The following MFSD6 variants were observed in gnomAD, a reference collection of about 807,000 sequenced individuals.
MFSD6 encodes the protein major facilitator superfamily domain-containing protein 6.
Under a neutral mutation model 56.3 loss-of-function variants are expected in MFSD6, and 26 were observed. The observed-to-expected ratio is 0.46, with a 90% confidence interval of 0.34 to 0.64. The LOEUF is 0.64. MFSD6 is among the 30% of genes least tolerant of loss of function. The probability of loss-of-function intolerance (pLI) is 0.01; values close to 1 mark genes in which losing one functional copy is unlikely to be tolerated. For missense variants in MFSD6, 750 were observed against 986.2 expected, an observed-to-expected ratio of 0.76 and a Z score of 3.21; for synonymous variants, 331 against 366.9, an observed-to-expected ratio of 0.90 and a Z score of 1.12.
At chr2:190,444,954 G>T in intron 3 of MFSD6, 1 of 628,010 alleles carries the variant, frequency 1.6e-6, no homozygotes, top group South Asian at 7.2e-5. Flanking sequence ...TAGCATACTG[G>T]GTAACAAATT....
Position 190,499,865 on chromosome 2 carries a change from T to A in MFSD6, c.2173-150T>A. The A allele has an allele frequency of 1.3e-6, 2 of 1,550,638 alleles. No homozygotes were observed. Among genetic ancestry groups the A allele is most frequent in the Non-Finnish European group, 1.7e-6 (2 of 1,146,750 alleles). ...AGGAAAGGAGATGAAAGGTAAGACATTCTATCCTTATTCCTCTATTACTTG... is the reference window on the plus strand; with the variant it reads ...AGGAAAGGAGATGAAAGGTAAGACAATCTATCCTTATTCCTCTATTACTTG... On this transcript the variant is annotated intron_variant, in intron 7 of 7. Coordinates refer to ENST00000392328, the MANE Select transcript of MFSD6 (RefSeq NM_017694.4). This position sits in a 1 kb window ranked among gnomAD's most constrained non-coding sequence, Gnocchi z 6.0.
rs570724280 is a variant in MFSD6, at chr2:190,424,343, A to G, written c.-54+8930A>G. ...AGACTTAGTTTGAGGTTATTTATTTATTTTTTTTTCAGACAGAGTTTCACT... is the reference window on the plus strand; with the variant it reads ...AGACTTAGTTTGAGGTTATTTATTTGTTTTTTTTTCAGACAGAGTTTCACT... On this transcript the variant is annotated intron_variant, in intron 2 of 7. Transcript: ENST00000392328. The surrounding 1 kb of genome is among the most constrained non-coding windows in gnomAD (Gnocchi z 5.9). Among the ~76,000 whole-genome samples the G allele has an allele frequency of 6.9e-6, 1 of 145,196 alleles. No homozygotes were observed. Among genetic ancestry groups the G allele is most frequent in the South Asian group, 2.2e-4 (1 of 4,536 alleles).
chr2:190,444,338 C>T (rs561294726), intron 3 of MFSD6, among the ~76,000 whole-genome samples: 4 of 152,274 alleles, frequency 2.6e-5, no homozygotes, highest in African/African-American at 7.2e-5. Flanking sequence ...CACAGAGGTA[C>T]GAAGATTCCA....
Position 190,469,905 on chromosome 2 carries a change from T to A in MFSD6, c.1630+50T>A. 1.5e-6 allele frequency: 2 copies of A among 1,374,386 alleles called. No homozygotes were observed. The highest frequency in any genetic ancestry group is 2.1e-6 in the Non-Finnish European group (2 of 972,460). 85.1% of individuals were successfully genotyped at this position (1,374,386 alleles called of 1,614,324 possible). A position where few individuals can be genotyped will look rare whatever the true frequency, so the allele number is the denominator to read the frequency against. Reference sequence around the variant, plus strand: ...TTATTTCTCTGCCTTCCCTGAGCTGTGGCTAAAAGCCCAGTGGCCTTCAGC... The same window carrying A: ...TTATTTCTCTGCCTTCCCTGAGCTGAGGCTAAAAGCCCAGTGGCCTTCAGC... On this transcript the variant is annotated intron_variant, in intron 4 of 7. Transcript: ENST00000392328. The surrounding 1 kb of genome is among the most constrained non-coding windows in gnomAD (Gnocchi z 5.3).
chr2:190,430,891 G>C (rs1239715485), intron 2 of MFSD6, among the ~76,000 whole-genome samples: 3 of 92,784 alleles, frequency 3.2e-5, no homozygotes, highest in Non-Finnish European at 4.4e-5. Flanking sequence ...GGGCGGAGAC[G>C]CTCCTCACTT....
chr2:190,478,063 G>C (rs1037148758), intron 4 of MFSD6, among the ~76,000 whole-genome samples: 2 of 152,156 alleles, frequency 1.3e-5, no homozygotes, highest in Admixed American at 6.5e-5. Flanking sequence ...GCCAACCCAG[G>C]ACATGTTTTT....
At chr2:190,453,348 G>A (rs1448345845) in intron 3 of MFSD6, among the ~76,000 whole-genome samples, 1 of 152,108 alleles carries the variant, frequency 6.6e-6, no homozygotes, top group Non-Finnish European at 1.5e-5. Flanking sequence ...TATGAGATGG[G>A]GAGGATGCCC....
intron 3 of MFSD6, among the ~76,000 whole-genome samples, chr2:190,453,451 C>T (rs1648720152): frequency 1.3e-5 from 2 of 152,190 alleles, no homozygotes; most frequent in African/African-American, 4.8e-5. Flanking sequence ...ACAGCTCCAT[C>T]TTCCTCCTCT....
At position 190,436,149 on chromosome 2, in the gene MFSD6, A is replaced by C; in HGVS notation, c.120A>C (p.Thr40=). ...AACCAGAACCACCTTCGAATGAAAC[A>C]CCTTCCTCCACAGAAACATCTGCTA... ...SREPEPPSNE[T]PSSTETSAIP... The change falls in exon 3 of 8, where the codon ACA becomes ACC. Residue 40 remains threonine (T), a synonymous_variant. Transcript: ENST00000392328. This position sits in a 1 kb window ranked among gnomAD's most constrained non-coding sequence, Gnocchi z 5.3. 1 of 1,614,222 alleles carries C rather than the reference A, an allele frequency of 6.2e-7. No individual in the cohort carries two copies. Among genetic ancestry groups the C allele is most frequent in the Non-Finnish European group, 8.5e-7 (1 of 1,180,032 alleles).
intron 3 of MFSD6, among the ~76,000 whole-genome samples, chr2:190,448,532 A>T (rs1322722270): frequency 6.6e-6 from 1 of 152,244 alleles, no homozygotes; most frequent in Non-Finnish European, 1.5e-5. Flanking sequence ...TGTCAACACT[A>T]TGATGTTGAC....
intron 2 of MFSD6, among the ~76,000 whole-genome samples, chr2:190,432,486 G>A (rs1405493622): frequency 6.6e-6 from 1 of 152,078 alleles, no homozygotes; most frequent in African/African-American, 2.4e-5. Context: ...GCGTGATCTC[G>A]GCTCTCTGCA....
chr2:190,489,925 A>G lies in MFSD6; in HGVS notation c.1891+59A>G. On this transcript the variant is annotated intron_variant, in intron 6 of 7. Transcript: ENST00000392328. The surrounding 1 kb of genome is among the most constrained non-coding windows in gnomAD (Gnocchi z 6.6). ...CAGTTCAGGCCATGGGAAGTCAACA[A>G]ATGCCCCGAGAAGCCTAGAAGTGGT... The G allele has an allele frequency of 6.6e-6, 9 of 1,367,462 alleles. No individual in the cohort carries two copies. The highest frequency in any genetic ancestry group is 2.5e-5 in the Admixed American group (1 of 39,590). 84.7% of individuals were successfully genotyped at this position (1,367,462 alleles called of 1,614,324 possible). A position where few individuals can be genotyped will look rare whatever the true frequency, so the allele number is the denominator to read the frequency against.
chr2:190,455,776 G>A (rs1049594205), intron 3 of MFSD6, among the ~76,000 whole-genome samples: 1 of 151,064 alleles, frequency 6.6e-6, no homozygotes, highest in Non-Finnish European at 1.5e-5. Flanking sequence ...TTTTTTTTGT[G>A]ATTCCTGTCA....
chr2:190,486,490 C>T (rs1009293046), intron 4 of MFSD6, among the ~76,000 whole-genome samples: 1 of 152,196 alleles, frequency 6.6e-6, no homozygotes, highest in East Asian at 1.9e-4. Context: ...CTTGGCAGTT[C>T]TCTTTTTTTG....
chr2:190,441,341 C>T (rs1375890379), intron 3 of MFSD6, among the ~76,000 whole-genome samples: 2 of 152,040 alleles, frequency 1.3e-5, no homozygotes. Context: ...AGACCAATTA[C>T]ATCAGTCTTT....
rs1201759219 is a variant in MFSD6 at position 190,500,451 on chromosome 2, A to G, written c.*233A>G. On this transcript the variant is annotated 3_prime_UTR_variant, in exon 8 of 8. Transcript: ENST00000392328. This position sits in a 1 kb window ranked among gnomAD's most constrained non-coding sequence, Gnocchi z 5.3. ...AATTACAACAGGGAAATGGAGTTCA[A>G]TGAGGACTTTCAGTTCTTTGCTTGG... The G allele has an allele frequency of 1.8e-6, 1 of 543,324 alleles. No individual in the cohort carries two copies. Among genetic ancestry groups the G allele is most frequent in the Non-Finnish European group, 3.3e-6 (1 of 305,752 alleles). 33.7% of individuals were successfully genotyped at this position (543,324 alleles called of 1,614,324 possible).
Position 190,489,643 on chromosome 2 carries a change from TA to T in MFSD6, c.1793-124del. Reference sequence around the variant, plus strand: ...CCATTATGTGGAGCTAATACCCAACTACTTTTCTCTGGTTTGTCTCAAGCTG... The same window carrying T: ...CCATTATGTGGAGCTAATACCCAACTCTTTTCTCTGGTTTGTCTCAAGCTG... On this transcript the variant is annotated intron_variant, in intron 5 of 7. Transcript: ENST00000392328. This position sits in a 1 kb window ranked among gnomAD's most constrained non-coding sequence, Gnocchi z 6.6. 1.2e-6 allele frequency: 1 copy of T among 841,850 alleles called. No individual in the cohort carries two copies. The highest frequency in any genetic ancestry group is 1.8e-6 in the Non-Finnish European group (1 of 544,812). 52.1% of individuals were successfully genotyped at this position (841,850 alleles called of 1,614,324 possible).
Position 190,437,338 on chromosome 2 carries a change from G to C in MFSD6, c.1309G>C (p.Asp437His). The change falls in exon 3 of 8, where the codon GAC becomes CAC. Residue 437 changes from aspartate to histidine, a missense_variant. Asp to His is a moderately conservative substitution (Grantham distance 81). This residue lies in a region of MFSD6 where 376 missense variants were observed against 437.9 expected (regional missense o/e 0.86). Coordinates refer to ENST00000392328, the MANE Select transcript of MFSD6 (RefSeq NM_017694.4). The surrounding 1 kb of genome is among the most constrained non-coding windows in gnomAD (Gnocchi z 5.9). ...TSHSQAFNFW[D>H]LIKLLCSVQY... ...CCACTCGCAGGCCTTCAACTTTTGG[G>C]ACTTAATCAAGCTGCTCTGCAGCGT... is the stretch of plus-strand genomic sequence containing the variant. The C allele has an allele frequency of 1.2e-6, 2 of 1,614,256 alleles. No individual in the cohort carries two copies. Among genetic ancestry groups the C allele is most frequent in the Non-Finnish European group, 1.7e-6 (2 of 1,180,042 alleles).
rs749377887 is a variant in MFSD6 at position 190,487,339 on chromosome 2, C to CAAACA, written c.1631-1302_1631-1298dup. Among the ~76,000 whole-genome samples, 12 of 152,114 alleles carry CAAACA rather than the reference C, an allele frequency of 7.9e-5. No individual in the cohort carries two copies. Among genetic ancestry groups the CAAACA allele is most frequent in the East Asian group, 1.9e-4 (1 of 5,198 alleles). ...CTGGTGACAGAGCAATACTCCATCTCAAACAAAACAAAACAAAACATAAAA... is the reference window on the plus strand; with the variant it reads ...CTGGTGACAGAGCAATACTCCATCTCAAACAAAACAAAACAAAACAAAACATAAAA... On this transcript the variant is annotated intron_variant, in intron 4 of 7. Transcript: ENST00000392328. The surrounding 1 kb of genome is among the most constrained non-coding windows in gnomAD (Gnocchi z 5.5).
Sources: allele counts gnomAD v4.1 joint callset (sites outside exome capture counted in the v4.1 genomes callset), GRCh38; gene constraint gnomAD v4.1.1; regional missense constraint gnomAD v4.1.1; non-coding constraint Gnocchi (gnomAD v3.1); transcripts MANE v1.5; gene names NCBI Gene and HGNC (gene_info 2026-07-23, HGNC 2026-07-21).